SPAG16: variants seen among roughly 807,000 people sequenced by gnomAD.
SPAG16 encodes sperm-associated antigen 16 protein.
SPAG16 carries 86 observed loss-of-function variants against 80.4 expected under a neutral mutation model. That is an observed-to-expected ratio of 1.07 (90% confidence interval 0.90 to 1.28). SPAG16 has a LOEUF of 1.28. Ranked by LOEUF, SPAG16 falls within the 50% of genes most tolerant of loss-of-function variation. The pLI is 0.00. For missense variants in SPAG16, 870 were observed against 765.3 expected (o/e 1.14, Z -1.61); for synonymous variants, 294 against 265.9 (o/e 1.11, Z -1.03).
At chr2:213,450,425 A>G (rs2071615829) in intron 9 of SPAG16, among the ~76,000 whole-genome samples, 1 of 152,206 alleles carries the variant, frequency 6.6e-6, no homozygotes, top group African/African-American at 2.4e-5. Context: ...TAACTTGGCT[A>G]TATTGCGTAT....
chr2:214,395,610 A>G (rs1287643483), intron 15 of SPAG16, among the ~76,000 whole-genome samples: 1 of 152,134 alleles, frequency 6.6e-6, no homozygotes, highest in Non-Finnish European at 1.5e-5. Context: ...TTGGTGTACA[A>G]AATAGTTCAT....
intron 15 of SPAG16, chr2:214,240,386 G>T (rs1411996739): frequency 6.6e-6 from 1 of 152,136 alleles, no homozygotes; most frequent in African/African-American, 2.4e-5. Flanking sequence ...TGAGGGCAGG[G>T]TCTATGTCCT....
At chr2:214,100,508 T>C (rs779838934) in intron 13 of SPAG16, among the ~76,000 whole-genome samples, 2 of 152,096 alleles carry the variant, frequency 1.3e-5, no homozygotes, top group Non-Finnish European at 2.9e-5. Flanking sequence ...ACCTGATAAG[T>C]AGTTTTTCAA....
At chr2:213,837,458 C>A (rs1357177168) in intron 10 of SPAG16, among the ~76,000 whole-genome samples, 1 of 152,160 alleles carries the variant, frequency 6.6e-6, no homozygotes, top group African/African-American at 2.4e-5. Flanking sequence ...TTTAAACATG[C>A]AAAAGTCACT....
intron 14 of SPAG16, among the ~76,000 whole-genome samples, chr2:214,114,350 C>T (rs2053826306): frequency 6.6e-6 from 1 of 152,248 alleles, no homozygotes; most frequent in Non-Finnish European, 1.5e-5. Flanking sequence ...GGACAACGCA[C>T]TGCTCTCTTC....
chr2:213,631,572 TGA>T (rs1432927641), intron 10 of SPAG16, among the ~76,000 whole-genome samples: 1 of 152,196 alleles, frequency 6.6e-6, no homozygotes, highest in Non-Finnish European at 1.5e-5. Flanking sequence ...GGAGTTCTCA[TGA>T]GATCTAGTTT....
At chr2:213,949,960 T>C (rs1242199047) in intron 12 of SPAG16, among the ~76,000 whole-genome samples, 2 of 152,208 alleles carry the variant, frequency 1.3e-5, no homozygotes, top group African/African-American at 2.4e-5. Flanking sequence ...GTAGCCTTTG[T>C]TCAGATGACA....
At chr2:213,694,515 C>A (rs1169025900) in intron 10 of SPAG16, among the ~76,000 whole-genome samples, 1 of 152,178 alleles carries the variant, frequency 6.6e-6, no homozygotes, top group African/African-American at 2.4e-5. Context: ...CAAAAAGTCA[C>A]AATGATCACG....
In SPAG16 at chr2:213,844,964, C is replaced by T. The variant is rs77315141; in HGVS notation, c.1071-17521C>T. ...CACTAAGTGGCAGTGAAGAGTGAAT[C>T]TGGAATTCAACATTTTTCACAATGC... is the stretch of plus-strand genomic sequence containing the variant. On this transcript the variant is annotated intron_variant, in intron 10 of 15. Coordinates refer to ENST00000331683, the MANE Select transcript of SPAG16 (RefSeq NM_024532.5). 4.3e-3 allele frequency among the ~76,000 whole-genome samples: 661 copies of T among 152,194 alleles called. 5 individuals are homozygous for T. The highest frequency in any genetic ancestry group is 0.024 in the Middle Eastern group (7 of 294).
intron 11 of SPAG16, among the ~76,000 whole-genome samples, chr2:213,879,535 A>G (rs1265782038): frequency 6.6e-6 from 1 of 152,066 alleles, no homozygotes; most frequent in East Asian, 1.9e-4. Context: ...TTTATTTTAT[A>G]CATAGGGAGT....
chr2:213,625,509 T>C (rs1230845653), intron 10 of SPAG16, among the ~76,000 whole-genome samples: 2 of 152,218 alleles, frequency 1.3e-5, no homozygotes, highest in Admixed American at 6.5e-5. Context: ...CTTTAATTTC[T>C]TTAAGGTTTA....
intron 15 of SPAG16, among the ~76,000 whole-genome samples, chr2:214,291,740 T>G (rs1693820721): frequency 6.6e-6 from 1 of 152,226 alleles, no homozygotes; most frequent in African/African-American, 2.4e-5. Flanking sequence ...TGTTGTATAT[T>G]TTTTGTTCCT....
Position 214,041,978 on chromosome 2 carries a change from GTATATATA to G in SPAG16, c.1527+27924_1527+27931del, listed in dbSNP as rs1158447338. Among the ~76,000 whole-genome samples the G allele has an allele frequency of 1.7e-4, 20 of 116,364 alleles. 2 individuals are homozygous for G. The highest frequency in any genetic ancestry group is 5.2e-4 in the African/African-American group (16 of 30,912). 76.3% of individuals were successfully genotyped at this position (116,364 alleles called of 152,430 possible). A position where few individuals can be genotyped will look rare whatever the true frequency, so the allele number is the denominator to read the frequency against. On this transcript the variant is annotated intron_variant, in intron 13 of 15. Transcript: ENST00000331683. ...TGTATATATTTGTGTGTCTGTGTGT[GTATATATA>G]TATATATATATATATATATATACAC...
At chr2:213,711,048 C>T (rs1205206907) in intron 10 of SPAG16, among the ~76,000 whole-genome samples, 2 of 152,026 alleles carry the variant, frequency 1.3e-5, no homozygotes, top group Non-Finnish European at 2.9e-5. Flanking sequence ...TTGTAATATG[C>T]TAAGTATTTG....
rs145753001 is a variant in SPAG16, at chr2:213,668,327, T to G, written c.1070+178237T>G. On this transcript the variant is annotated intron_variant, in intron 10 of 15. Coordinates refer to ENST00000331683, the MANE Select transcript of SPAG16 (RefSeq NM_024532.5). The stretch of plus-strand genomic sequence containing the variant: ...ACTCATATGGGTGCTTTTTTTTTTT[T>G]GAAATACATAGACTATTGGTCTTAG... Among the ~76,000 whole-genome samples, 9 of 148,804 alleles carry G rather than the reference T, an allele frequency of 6.0e-5. No individual in the cohort carries two copies. In the East Asian group the frequency reaches 1.4e-3, roughly 23 times the overall value.
intron 11 of SPAG16, among the ~76,000 whole-genome samples, chr2:213,920,182 A>G (rs188213027): frequency 1.3e-5 from 2 of 152,160 alleles, no homozygotes; most frequent in African/African-American, 4.8e-5. Context: ...GTGTTACTGC[A>G]TATGAAACAG....
chr2:213,923,044 C>A (rs559682546), intron 11 of SPAG16, among the ~76,000 whole-genome samples: 1 of 152,054 alleles, frequency 6.6e-6, no homozygotes, highest in East Asian at 1.9e-4. Flanking sequence ...CTATGGGAGG[C>A]AGGGGTGAGT....
intron 10 of SPAG16, among the ~76,000 whole-genome samples, chr2:213,605,219 T>C (rs778296646): frequency 4.0e-4 from 61 of 152,078 alleles, no homozygotes; most frequent in Non-Finnish European, 1.2e-4. Flanking sequence ...CTGGATAATT[T>C]TGAAGCAAAA....
At chr2:214,251,497 C>T (rs757611410) in intron 15 of SPAG16, among the ~76,000 whole-genome samples, 34 of 151,916 alleles carry the variant, frequency 2.2e-4, no homozygotes, top group Non-Finnish European at 3.2e-4. Context: ...CTGAGTACAG[C>T]TGATAAAGAT....
Sources: gnomAD v4.1 joint callset for allele counts (sites outside exome capture counted in the v4.1 genomes callset) on GRCh38, gnomAD v4.1.1 for gene constraint, MANE v1.5 for transcripts, NCBI Gene and HGNC (gene_info 2026-07-23, HGNC 2026-07-21) for gene names.